Variants in HECTD4 observed in about 807,000 individuals in gnomAD.
HECTD4 encodes HECT domain E3 ubiquitin protein ligase 4.
In HECTD4, 114 loss-of-function variants were observed where a neutral mutation model predicts 471.5. The observed-to-expected ratio is 0.24, with a 90% CI of 0.21 to 0.28. HECTD4 has a LOEUF of 0.28. Ranked by LOEUF, HECTD4 falls within the 10% of genes least tolerant of loss-of-function variation. The probability of loss-of-function intolerance (pLI) is 1.00; values close to 1 mark genes in which losing one functional copy is unlikely to be tolerated. For missense variants in HECTD4, 3,866 were observed against 5,651.5 expected, an observed-to-expected ratio of 0.68 and a Z score of 10.13; for synonymous variants, 2,012 against 2,256.0, an observed-to-expected ratio of 0.89 and a Z score of 3.07.
chr12:112,356,401 C>T (rs1237556677), intron 1 of HECTD4, among the ~76,000 whole-genome samples: 1 of 152,102 alleles, frequency 6.6e-6, no homozygotes, highest in Non-Finnish European at 1.5e-5. Context: ...TTTTCCGTCT[C>T]ACTCTCTTTC....
chr12:112,216,229 G>A, intron 48 of HECTD4, 63 bp downstream of exon 48: 2 of 1,146,494 alleles, frequency 1.7e-6, no homozygotes, highest in Non-Finnish European at 2.6e-6. Flanking sequence ...ACTTTAACCT[G>A]TTTAGACCCA....
At chr12:112,368,995 C>T (rs554932449) in intron 1 of HECTD4, among the ~76,000 whole-genome samples, 1 of 152,316 alleles carries the variant, frequency 6.6e-6, no homozygotes, top group African/African-American at 2.4e-5. Context: ...GGAGCCAATG[C>T]TTCTCTTCCC....
Position 112,188,582 on chromosome 12 carries a change from C to G in HECTD4, c.9472+2204G>C, listed in dbSNP as rs1374486685. Among the ~76,000 whole-genome samples, 1 of 152,200 alleles carries G rather than the reference C, an allele frequency of 6.6e-6. No homozygotes were observed. The highest frequency in any genetic ancestry group is 2.4e-5 in the African/African-American group (1 of 41,458). On this transcript the variant is annotated intron_variant, in intron 60 of 75. Transcript: ENST00000682272. The surrounding 1 kb of genome is among the most constrained non-coding windows in gnomAD (Gnocchi z 4.2). ...CCCACTGAGCCAGCTGAGCCCTTAC[C>G]CTGCAAAAGAGTGAACTGCAGTTTG...
chr12:112,367,068 G>A (rs745395914), intron 1 of HECTD4, among the ~76,000 whole-genome samples: 2 of 150,538 alleles, frequency 1.3e-5, no homozygotes, highest in Non-Finnish European at 3.0e-5. Context: ...TTGGGAAGCC[G>A]AGGCAAGCAG....
intron 7 of HECTD4, among the ~76,000 whole-genome samples, chr12:112,292,957 G>A (rs2034920770): frequency 2.0e-5 from 3 of 152,034 alleles, no homozygotes; most frequent in African/African-American, 7.2e-5. Context: ...AGGAGGCGGA[G>A]GTTGCAGTGA....
At chr12:112,203,438 ACT>A in intron 54 of HECTD4, 196 bp downstream of exon 54, 1 of 466,690 alleles carries the variant, frequency 2.1e-6, no homozygotes, top group Non-Finnish European at 3.8e-6. Context: ...CCTACCATCT[ACT>A]GCCAGCCCTG....
intron 2 of HECTD4, among the ~76,000 whole-genome samples, chr12:112,317,336 C>A (rs2035499453): frequency 6.6e-6 from 1 of 152,150 alleles, no homozygotes; most frequent in Non-Finnish European, 1.5e-5. Context: ...TTACAATAAA[C>A]ACTGGTGCCA....
chr12:112,239,229 C>T lies in HECTD4; in HGVS notation c.5113G>A (p.Glu1705Lys), dbSNP rs767681257. Residue 1705 changes from glutamate (E) to lysine (K), a missense_variant, in exon 34 of 76, where the codon GAG becomes AAG. This residue lies in a region of HECTD4 where 229 missense variants were observed against 386.4 expected (regional missense o/e 0.59). Transcript: ENST00000682272. This position sits in a 1 kb window ranked among gnomAD's most constrained non-coding sequence, Gnocchi z 4.9. ...AGGCCACTGCGTACCAGGCACTTCT[C>T]TTCGCTCCTGACAAAGGGTCATGGA... is the stretch of plus-strand genomic sequence containing the variant. The part of the protein sequence containing the change: ...LCTIPYTRSE[E>K]KCLVRSGLVQ... The T allele has an allele frequency of 6.2e-7, 1 of 1,610,366 alleles. No homozygotes were observed. The highest frequency in any genetic ancestry group is 1.7e-5 in the Admixed American group (1 of 59,336).
At position 112,309,688 on chromosome 12, in the gene HECTD4, A is replaced by C; in HGVS notation, c.917-19T>G. ...TCAGCATCTGAAATCGTTTTTTCACAGGTAAATTATATATATGTTTTTTCT... is the reference window on the plus strand; with the variant it reads ...TCAGCATCTGAAATCGTTTTTTCACCGGTAAATTATATATATGTTTTTTCT... On this transcript the variant is annotated intron_variant, in intron 4 of 75. Transcript: ENST00000682272. The C allele has an allele frequency of 8.4e-7, 1 of 1,196,416 alleles. No individual in the cohort carries two copies. Among genetic ancestry groups the C allele is most frequent in the Non-Finnish European group, 1.2e-6 (1 of 846,070 alleles). The allele number at this position is 1,196,416 out of a possible 1,614,324, so 74.1% of individuals were successfully genotyped here.
At position 112,172,061 on chromosome 12, in the gene HECTD4, G is replaced by A. The variant is rs538832593; in HGVS notation, c.11785+610C>T. 4.9e-3 allele frequency among the ~76,000 whole-genome samples: 750 copies of A among 152,222 alleles called. 9 individuals carry two copies. Among genetic ancestry groups the A allele is most frequent in the African/African-American group, 0.017 (712 of 41,524 alleles). ...TGGGATTACAGGCATGCGCCACCACGCCCGGCTAATTTTGTACTTTTAGTA... is the reference window on the plus strand; with the variant it reads ...TGGGATTACAGGCATGCGCCACCACACCCGGCTAATTTTGTACTTTTAGTA... On this transcript the variant is annotated intron_variant, in intron 67 of 75. Coordinates refer to ENST00000682272, the MANE Select transcript of HECTD4 (RefSeq NM_001388303.1).
At chr12:112,303,110 C>A (rs142389624) in intron 7 of HECTD4, among the ~76,000 whole-genome samples, 316 of 152,130 alleles carry the variant, frequency 2.1e-3, no homozygotes, top group Middle Eastern at 0.01. Flanking sequence ...CTAGATGACC[C>A]CAACATCAGT....
rs376291837 is a variant in HECTD4, at chr12:112,330,895, G to A, written c.178-11153C>T. The stretch of plus-strand genomic sequence containing the variant: ...TAATTAGATGAAGAAAATACATGTG[G>A]TGAGGGGGAGGGGACATCAGAATAT... On this transcript the variant is annotated intron_variant, in intron 1 of 75. Transcript: ENST00000682272. Among the ~76,000 whole-genome samples the A allele has an allele frequency of 3.3e-5, 5 of 152,176 alleles. No homozygotes were observed. The East Asian group carries it at 7.7e-4, about 23-fold the overall frequency.
chr12:112,168,657 C>T (rs976402274), intron 70 of HECTD4, among the ~76,000 whole-genome samples: 1 of 152,168 alleles, frequency 6.6e-6, no homozygotes, highest in South Asian at 2.1e-4. Flanking sequence ...GAAGCAGGAG[C>T]GTCCTGACTG....
Position 112,319,245 on chromosome 12 carries a change from C to T in HECTD4, c.675G>A (p.Leu225=). ...CTTACCTGGCACAAGCCAAAGCCAC[C>T]AGGGCAGCAGCAGCATTTTCTTTTT... ...HKQKENAAAA[L]VALACARGSL... is the part of the protein sequence containing the mutation. The change falls in exon 2 of 76, where the codon CTG becomes CTA. Residue 225 remains leucine (L), a synonymous_variant. Coordinates refer to ENST00000682272, the MANE Select transcript of HECTD4 (RefSeq NM_001388303.1). The surrounding 1 kb of genome is among the most constrained non-coding windows in gnomAD (Gnocchi z 5.3). 1 of 1,536,108 alleles carries T rather than the reference C, an allele frequency of 6.5e-7. No individual in the cohort carries two copies. Among genetic ancestry groups the T allele is most frequent in the East Asian group, 2.4e-5 (1 of 40,926 alleles).
chr12:112,209,612 C>T (rs2032703788), intron 50 of HECTD4, among the ~76,000 whole-genome samples: 1 of 152,224 alleles, frequency 6.6e-6, no homozygotes, highest in African/African-American at 2.4e-5. Flanking sequence ...AGGCATGAGC[C>T]ACCTCACCTG....
chr12:112,274,859 C>A lies in HECTD4; in HGVS notation c.1789G>T (p.Val597Leu), dbSNP rs567333775. 4 of 1,545,596 alleles carry A rather than the reference C, an allele frequency of 2.6e-6. No individual in the cohort carries two copies. In the East Asian group the frequency reaches 7.3e-5, roughly 28 times the overall value. ...AGSSLGRGALVPGLGACYDTV... is the reference protein window; with the variant it reads ...AGSSLGRGALLPGLGACYDTV... ...GTTTATTTCTTACCCAATCCTGGTA[C>A]GAGAGCACCACGCCCCAGTGAGCTT... Residue 597 changes from valine (V) to leucine (L), a missense_variant, in exon 10 of 76, where the codon GTA (valine) becomes TTA (leucine). This residue lies in a region of HECTD4 where 525 missense variants were observed against 672.6 expected (regional missense o/e 0.78). Coordinates refer to ENST00000682272, the MANE Select transcript of HECTD4 (RefSeq NM_001388303.1).
At chr12:112,264,830 T>G (rs2034231349) in intron 16 of HECTD4, among the ~76,000 whole-genome samples, 1 of 152,210 alleles carries the variant, frequency 6.6e-6, no homozygotes, top group South Asian at 2.1e-4. Context: ...GGTGGCGCGA[T>G]CTCAGCTCAC....
At chr12:112,238,033 C>T (rs2033556452) in intron 34 of HECTD4, among the ~76,000 whole-genome samples, 1 of 152,068 alleles carries the variant, frequency 6.6e-6, no homozygotes, top group Non-Finnish European at 1.5e-5. Flanking sequence ...GGATTACAGG[C>T]GTGAGCCACT....
Position 112,185,394 on chromosome 12 carries a change from C to T in HECTD4, c.9572G>A (p.Arg3191Lys). Residue 3191 changes from arginine to lysine, a missense_variant, in exon 61 of 76, where the codon AGG becomes AAG. Arg to Lys is a conservative substitution (Grantham distance 26). Transcript: ENST00000682272. ...LLRTVHTLEQ[R>K]RHPAGLSSSI... ...GGAGGACAGGCCAGCGGGGTGCCGC[C>T]TCTGCTCCAGGGTGTGCACCGTGCG... 6.2e-7 allele frequency: 1 copy of T among 1,612,784 alleles called. No homozygotes were observed. The highest frequency in any genetic ancestry group is 8.5e-7 in the Non-Finnish European group (1 of 1,179,644).
Sources: gnomAD v4.1 joint callset for allele counts (sites outside exome capture counted in the v4.1 genomes callset) on GRCh38, gnomAD v4.1.1 for gene constraint, gnomAD v4.1.1 regional missense constraint, Gnocchi (gnomAD v3.1) non-coding constraint, MANE v1.5 for transcripts, NCBI Gene and HGNC (gene_info 2026-07-23, HGNC 2026-07-21) for gene names.